The following TENM2 variants were observed in gnomAD, a reference collection of about 807,000 sequenced individuals.
The protein encoded by TENM2 is teneurin-2.
A neutral mutation model predicts 245.2 loss-of-function variants in TENM2; 52 were observed. That is an observed-to-expected ratio of 0.21 (90% CI 0.17 to 0.27). TENM2 has a LOEUF of 0.27. Ranked by LOEUF, TENM2 falls within the 10% of genes least tolerant of loss-of-function variation. The pLI is 1.00. For synonymous variants in TENM2, 1,363 were observed against 1,438.9 expected (o/e 0.95, Z 1.19); for missense variants, 3,046 against 3,666.8 (o/e 0.83, Z 4.37).
intron 3 of TENM2, among the ~76,000 whole-genome samples, chr5:167,925,725 T>C (rs907552345): frequency 2.6e-5 from 4 of 152,166 alleles, no homozygotes; most frequent in African/African-American, 4.8e-5. Context: ...TAATGACAGA[T>C]TGGATTTTTA....
At chr5:167,734,288 C>T (rs1157238163) in intron 2 of TENM2, among the ~76,000 whole-genome samples, 10 of 152,054 alleles carry the variant, frequency 6.6e-5, no homozygotes, top group Admixed American at 6.5e-4. Context: ...GTAAAGCTAA[C>T]TGTGAGGACT....
intron 24 of TENM2, among the ~76,000 whole-genome samples, chr5:168,227,461 G>C (rs1339476306): frequency 1.3e-5 from 2 of 150,832 alleles, no homozygotes; most frequent in African/African-American, 2.4e-5. Context: ...GGCTAGACCA[G>C]CAACCTTGGG....
intron 2 of TENM2, among the ~76,000 whole-genome samples, chr5:167,417,816 C>T (rs747964074): frequency 5.9e-5 from 9 of 152,274 alleles, no homozygotes; most frequent in South Asian, 2.1e-4. Context: ...CCTGGCTACA[C>T]GTGGTTGTGT....
intron 2 of TENM2, among the ~76,000 whole-genome samples, chr5:167,548,126 C>T (rs1772686288): frequency 6.6e-6 from 1 of 152,110 alleles, no homozygotes; most frequent in Admixed American, 6.5e-5. Flanking sequence ...AATAATTTTA[C>T]CCACCTCAGG....
At chr5:168,127,662 C>T (rs887867513) in intron 12 of TENM2, among the ~76,000 whole-genome samples, 3 of 152,202 alleles carry the variant, frequency 2.0e-5, no homozygotes, top group Non-Finnish European at 2.9e-5. Context: ...CGTACCTAAT[C>T]ATCCCTTTGG....
intron 2 of TENM2, among the ~76,000 whole-genome samples, chr5:167,552,330 C>T (rs1773000003): frequency 6.6e-6 from 1 of 152,166 alleles, no homozygotes; most frequent in Non-Finnish European, 1.5e-5. Context: ...GAAAACTTCA[C>T]TTGTCATCAT....
At chr5:168,158,939 G>A (rs565221863) in intron 12 of TENM2, among the ~76,000 whole-genome samples, 174 of 131,224 alleles carry the variant, frequency 1.3e-3, no homozygotes, top group African/African-American at 4.3e-3. Flanking sequence ...ATGTATATAC[G>A]TATATACATA....
At chr5:168,203,372 A>G (rs2152537206) in intron 17 of TENM2, among the ~76,000 whole-genome samples, 1 of 152,356 alleles carries the variant, frequency 6.6e-6, no homozygotes, top group Middle Eastern at 3.4e-3. Flanking sequence ...GAATTGTGTC[A>G]GGTTTTCAAA....
At chr5:167,181,450 C>CTTTT in the TENM2 span, among the ~76,000 whole-genome samples, 1 of 112,676 alleles carries the variant, frequency 8.9e-6, no homozygotes, top group African/African-American at 4.8e-5. Flanking sequence ...TTTTTTTTTC[C>CTTTT]TAGGGAGCCG....
chr5:167,025,598 T>C, the TENM2 span, among the ~76,000 whole-genome samples: 2 of 152,172 alleles, frequency 1.3e-5, no homozygotes, highest in African/African-American at 4.8e-5. Flanking sequence ...AGACGGTAAG[T>C]GTAACCTACT....
chr5:168,089,611 G>A (rs1294879492), intron 7 of TENM2, among the ~76,000 whole-genome samples: 1 of 152,066 alleles, frequency 6.6e-6, no homozygotes, highest in African/African-American at 2.4e-5. Flanking sequence ...CCAAGGCTAG[G>A]CACTATAAGG....
chr5:167,399,510 G>GC (rs1352388986), intron 2 of TENM2, among the ~76,000 whole-genome samples: 1 of 152,150 alleles, frequency 6.6e-6, no homozygotes, highest in Admixed American at 6.5e-5. Flanking sequence ...CAAAATCCCT[G>GC]CCCCCAAGTA....
chr5:167,811,522 G>A (rs538223553), intron 2 of TENM2, among the ~76,000 whole-genome samples: 1 of 152,182 alleles, frequency 6.6e-6, no homozygotes, highest in Non-Finnish European at 1.5e-5. Flanking sequence ...CCTGCAGAAC[G>A]ATCTGCCACT....
intron 2 of TENM2, among the ~76,000 whole-genome samples, chr5:167,790,572 C>CT (rs755625166): frequency 2.0e-5 from 3 of 152,172 alleles, no homozygotes; most frequent in Non-Finnish European, 4.4e-5. Flanking sequence ...GTTGCAGTGC[C>CT]TGGACCCTTC....
chr5:168,092,828 G>A (rs1401689262), intron 8 of TENM2, among the ~76,000 whole-genome samples: 1 of 152,200 alleles, frequency 6.6e-6, no homozygotes. Flanking sequence ...GGCTCAGCTG[G>A]GGTCTACAAG....
At chr5:167,346,949 T>C (rs1332972165) in intron 1 of TENM2, among the ~76,000 whole-genome samples, 1 of 152,050 alleles carries the variant, frequency 6.6e-6, no homozygotes, top group African/African-American at 2.4e-5. Flanking sequence ...TATTTTTTTA[T>C]ATTTTGTAGA....
At chr5:167,376,316 G>T (rs11739827) in intron 2 of TENM2, among the ~76,000 whole-genome samples, 63,654 of 151,958 alleles carry the variant, frequency 0.42, 14,503 homozygotes, top group East Asian at 0.68. Flanking sequence ...AATGCTATGT[G>T]GTTTGTTATG....
the TENM2 span, among the ~76,000 whole-genome samples, chr5:167,141,608 GACT>G: frequency 6.6e-6 from 1 of 152,178 alleles, no homozygotes; most frequent in East Asian, 1.9e-4. Flanking sequence ...GCCAGTGACA[GACT>G]TCCCTCATTT....
the TENM2 span, among the ~76,000 whole-genome samples, chr5:167,170,761 G>C: frequency 2.6e-5 from 4 of 152,232 alleles, no homozygotes; most frequent in Admixed American, 1.3e-4. Context: ...CCAAAGCAGC[G>C]TTCGTCAAAG....
Sources: allele counts gnomAD v4.1 joint callset (sites outside exome capture counted in the v4.1 genomes callset), GRCh38; gene constraint gnomAD v4.1.1; transcripts MANE v1.5; gene names NCBI Gene and HGNC (gene_info 2026-07-23, HGNC 2026-07-21).